The following PCDHGA6 variants were observed in gnomAD, a reference collection of about 807,000 sequenced individuals.
The protein encoded by PCDHGA6 is protocadherin gamma-A6.
PCDHGA6 carries 41 observed loss-of-function variants against 60.6 expected under a neutral mutation model. The observed-to-expected ratio is 0.68, with a 90% confidence interval of 0.53 to 0.88. PCDHGA6 has a LOEUF of 0.88. Among genes scored for constraint, PCDHGA6 ranks in the 40% least tolerant of loss-of-function variants. PCDHGA6 has a pLI of 0.00. For missense variants in PCDHGA6, 1,312 were observed against 1,203.0 expected, an observed-to-expected ratio of 1.09 and a Z score of -1.34; for synonymous variants, 594 against 524.4, an observed-to-expected ratio of 1.13 and a Z score of -1.81.
chr5:141,483,648 TTGTGTGTGTGTGTG>T (rs111458813), intron 1 of PCDHGA6, among the ~76,000 whole-genome samples: 1 of 149,592 alleles, frequency 6.7e-6, no homozygotes, highest in Non-Finnish European at 1.5e-5. Flanking sequence ...GGGTGTGTGT[TTGTGTGTGTGTGTG>T]TGTGTGTAAA....
intron 1 of PCDHGA6, chr5:141,426,599 A>G (rs1171205143): frequency 2.7e-6 from 1 of 377,348 alleles, no homozygotes; most frequent in Non-Finnish European, 5.4e-6. Flanking sequence ...TCATACCCTT[A>G]GAGATTGTAG....
At position 141,423,614 on chromosome 5, in the gene PCDHGA6, A is replaced by C. The variant is rs1365658002; in HGVS notation, c.2424+47107A>C. 8 of 1,610,406 alleles carry C rather than the reference A, an allele frequency of 5.0e-6. No homozygotes were observed. The highest frequency in any genetic ancestry group is 6.8e-6 in the Non-Finnish European group (8 of 1,178,132). ...AAAAGCGAGCCACTCTTGATAGCTG[A>C]AGACTCAGCTATCATTTTAGGCAAA... On this transcript the variant is annotated intron_variant, in intron 1 of 3. Transcript: ENST00000517434.
chr5:141,398,980 G>A (rs772840804), intron 1 of PCDHGA6: 3 of 1,613,860 alleles, frequency 1.9e-6, no homozygotes, highest in South Asian at 2.2e-5. Flanking sequence ...CTACAGAACC[G>A]GGCAAATCTT....
chr5:141,418,397 T>C (rs764404369), intron 1 of PCDHGA6: 9 of 1,613,838 alleles, frequency 5.6e-6, no homozygotes, highest in South Asian at 3.3e-5. Context: ...GTATTTCTCA[T>C]TGGTGGAGAA....
chr5:141,408,461 A>G, intron 1 of PCDHGA6: 4 of 1,614,044 alleles, frequency 2.5e-6, no homozygotes, highest in Non-Finnish European at 3.4e-6. Context: ...CTTACTTGTG[A>G]AGAACCGAAT....
Position 141,432,061 on chromosome 5 carries a change from G to A in PCDHGA6, c.2424+55554G>A. 1 of 1,614,130 alleles carries A rather than the reference G, an allele frequency of 6.2e-7. No homozygotes were observed. The highest frequency in any genetic ancestry group is 8.5e-7 in the Non-Finnish European group (1 of 1,180,034). ...ACCGGGGAACCCCGCCCCTATCCAC[G>A]GAAACTCATATCTCGCTGAACGTGG... On this transcript the variant is annotated intron_variant, in intron 1 of 3. Coordinates refer to ENST00000517434, the MANE Select transcript of PCDHGA6 (RefSeq NM_018919.3). The surrounding 1 kb of genome is among the most constrained non-coding windows in gnomAD (Gnocchi z 6.0).
chr5:141,394,500 C>T, intron 1 of PCDHGA6: 2 of 1,614,242 alleles, frequency 1.2e-6, no homozygotes, highest in Non-Finnish European at 8.5e-7. Context: ...GCCCGAGATC[C>T]TGTACCCCGC....
At chr5:141,479,798 G>A (rs892288776) in intron 1 of PCDHGA6, among the ~76,000 whole-genome samples, 3 of 152,116 alleles carry the variant, frequency 2.0e-5, no homozygotes, top group African/African-American at 7.2e-5. Flanking sequence ...ATTAATTCAG[G>A]GTGGTATGCA....
Position 141,431,054 on chromosome 5 carries a change from G to A in PCDHGA6, c.2424+54547G>A, listed in dbSNP as rs532584174. 1 of 1,614,198 alleles carries A rather than the reference G, an allele frequency of 6.2e-7. No individual in the cohort carries two copies. Among genetic ancestry groups the A allele is most frequent in the African/African-American group, 1.3e-5 (1 of 75,076 alleles). ...AGACCGGGAGGAGCTCTGTATGGGG[G>A]CCATCAAGTGTCAATTAAATCTAGA... On this transcript the variant is annotated intron_variant, in intron 1 of 3. Transcript: ENST00000517434. This position sits in a 1 kb window ranked among gnomAD's most constrained non-coding sequence, Gnocchi z 4.8.
At position 141,379,404 on chromosome 5, in the gene PCDHGA6, G is replaced by C. The variant is rs146281241; in HGVS notation, c.2424+2897G>C. ...ACAATTTTAAACAACTTGAATCTTGGATATTAGTCTCATGAGTTAGATGGG... is the reference window on the plus strand; with the variant it reads ...ACAATTTTAAACAACTTGAATCTTGCATATTAGTCTCATGAGTTAGATGGG... On this transcript the variant is annotated intron_variant, in intron 1 of 3. Coordinates refer to ENST00000517434, the MANE Select transcript of PCDHGA6 (RefSeq NM_018919.3). 549 of 152,154 alleles carry C rather than the reference G, an allele frequency of 3.6e-3. 6 individuals are homozygous for C. Among genetic ancestry groups the C allele is most frequent in the African/African-American group, 0.012 (518 of 41,502 alleles). 9.4% of individuals were successfully genotyped at this position (152,154 alleles called of 1,614,324 possible). A position where few individuals can be genotyped will look rare whatever the true frequency, so the allele number is the denominator to read the frequency against.
At chr5:141,423,711 T>C (rs1479409204) in intron 1 of PCDHGA6, 1 of 1,330,004 alleles carries the variant, frequency 7.5e-7, no homozygotes, top group Non-Finnish European at 9.6e-7. Flanking sequence ...GCACAAGTCT[T>C]TTAAGGAGAT....
chr5:141,431,554 C>A lies in PCDHGA6; in HGVS notation c.2424+55047C>A, dbSNP rs766242338. On this transcript the variant is annotated intron_variant, in intron 1 of 3. Coordinates refer to ENST00000517434, the MANE Select transcript of PCDHGA6 (RefSeq NM_018919.3). The surrounding 1 kb of genome is among the most constrained non-coding windows in gnomAD (Gnocchi z 4.8). ...TGGGCACGCAGCTGCTTGTAGTCAA[C>A]GCTACCGACCCTGACGAAGGAGTCA... 1.2e-6 allele frequency: 2 copies of A among 1,614,008 alleles called. No individual in the cohort carries two copies. Among genetic ancestry groups the A allele is most frequent in the African/African-American group, 1.3e-5 (1 of 74,942 alleles).
chr5:141,468,952 G>GA (rs2099186671), intron 1 of PCDHGA6, among the ~76,000 whole-genome samples: 1 of 151,198 alleles, frequency 6.6e-6, no homozygotes. Context: ...TAAACCTGTG[G>GA]TTTTTTTTAC....
At chr5:141,478,963 A>G (rs193236728) in intron 1 of PCDHGA6, among the ~76,000 whole-genome samples, 5 of 152,322 alleles carry the variant, frequency 3.3e-5, no homozygotes, top group East Asian at 1.9e-4. Context: ...TCATTCCTCC[A>G]CCTTTCAAGT....
Position 141,487,272 on chromosome 5 carries a change from T to C in PCDHGA6, c.2425-7535T>C. 6.2e-7 allele frequency: 1 copy of C among 1,614,148 alleles called. No homozygotes were observed. The highest frequency in any genetic ancestry group is 8.5e-7 in the Non-Finnish European group (1 of 1,180,036). Reference sequence around the variant, plus strand: ...TACTTGGCTGTGTCCCTAGTGGCAATTTGCTTTGTCTCCTTTGGCTCATTC... The same window carrying C: ...TACTTGGCTGTGTCCCTAGTGGCAACTTGCTTTGTCTCCTTTGGCTCATTC... On this transcript the variant is annotated intron_variant, in intron 1 of 3. Coordinates refer to ENST00000517434, the MANE Select transcript of PCDHGA6 (RefSeq NM_018919.3). This position sits in a 1 kb window ranked among gnomAD's most constrained non-coding sequence, Gnocchi z 5.0.
chr5:141,423,253 C>G (rs750278899), intron 1 of PCDHGA6: 1 of 1,613,916 alleles, frequency 6.2e-7, no homozygotes, highest in Admixed American at 1.7e-5. Flanking sequence ...CCTGGCGGAC[C>G]TCGGCAGCCT....
intron 1 of PCDHGA6, chr5:141,393,832 T>C (rs953592252): frequency 6.2e-7 from 1 of 1,613,866 alleles, no homozygotes; most frequent in African/African-American, 1.3e-5. Context: ...GTGGAAGATG[T>C]AAATGACAAT....
chr5:141,449,622 T>A (rs889336036), intron 1 of PCDHGA6, among the ~76,000 whole-genome samples: 1 of 150,910 alleles, frequency 6.6e-6, no homozygotes, highest in African/African-American at 2.4e-5. Context: ...AAAAGTTTTT[T>A]AAAAAGATGT....
chr5:141,387,949 T>C lies in PCDHGA6; in HGVS notation c.2424+11442T>C, dbSNP rs1016295879. The C allele has an allele frequency of 1.6e-5, 24 of 1,491,992 alleles. No individual in the cohort carries two copies. Among genetic ancestry groups the C allele is most frequent in the Non-Finnish European group, 2.1e-5 (23 of 1,116,382 alleles). 92.4% of individuals were successfully genotyped at this position (1,491,992 alleles called of 1,614,324 possible). On this transcript the variant is annotated intron_variant, in intron 1 of 3. Transcript: ENST00000517434. ...CTGCCAGTGCTCTTTCTCTTCCTGC[T>C]GTCTTTGTTCTGCCCGGCGCTCTGT...
Sources: gnomAD v4.1 joint callset for allele counts (sites outside exome capture counted in the v4.1 genomes callset) on GRCh38, gnomAD v4.1.1 for gene constraint, Gnocchi (gnomAD v3.1) non-coding constraint, MANE v1.5 for transcripts, NCBI Gene and HGNC (gene_info 2026-07-23, HGNC 2026-07-21) for gene names.